The following FOXP1 variants were observed in gnomAD, a reference collection of about 807,000 sequenced individuals.
FOXP1 encodes forkhead box P1.
A neutral mutation model predicts 98.2 loss-of-function variants in FOXP1; 15 were observed. The observed-to-expected ratio is 0.15, with a 90% CI of 0.10 to 0.24. The LOEUF (loss-of-function observed/expected upper bound fraction) is 0.24, where lower values mean the gene tolerates loss of function less well. Ranked by LOEUF, FOXP1 falls within the 10% of genes least tolerant of loss-of-function variation. The pLI is 1.00. For missense variants in FOXP1, 633 were observed against 848.5 expected, an observed-to-expected ratio of 0.75 and a Z score of 3.15; for synonymous variants, 371 against 314.5, an observed-to-expected ratio of 1.18 and a Z score of -1.90.
chr3:71,548,783 G>A (rs1018521682), intron 2 of FOXP1, among the ~76,000 whole-genome samples: 1 of 151,252 alleles, frequency 6.6e-6, no homozygotes, highest in Non-Finnish European at 1.5e-5. Flanking sequence ...AAAGAAATGA[G>A]ATGAAGTCAA....
intron 1 of FOXP1, 191 bp downstream of exon 1, chr3:71,583,380 G>C (rs1578285014): frequency 1.2e-6 from 1 of 847,252 alleles, no homozygotes; most frequent in Admixed American, 6.2e-5. Context: ...GAAGAGAGGG[G>C]AGGGCTGGGG....
intron 7 of FOXP1, among the ~76,000 whole-genome samples, chr3:71,099,772 G>A (rs1020957765): frequency 1.3e-5 from 2 of 152,136 alleles, no homozygotes; most frequent in African/African-American, 4.8e-5. Context: ...ATGTAATGCT[G>A]CCTCCTCCCC....
At chr3:71,579,106 GTTAA>G (rs369720753) in intron 2 of FOXP1, among the ~76,000 whole-genome samples, 329 of 152,134 alleles carry the variant, frequency 2.2e-3, no homozygotes, top group African/African-American at 7.4e-3. Context: ...ACCGACACTT[GTTAA>G]TTAAAAATAT....
chr3:70,985,767 A>G (rs1489998894), intron 14 of FOXP1, among the ~76,000 whole-genome samples: 1 of 152,006 alleles, frequency 6.6e-6, no homozygotes, highest in Non-Finnish European at 1.5e-5. Context: ...ACAATGGCAA[A>G]CCTCACACAG....
chr3:71,270,194 C>A (rs1346380034), intron 5 of FOXP1, among the ~76,000 whole-genome samples: 1 of 152,164 alleles, frequency 6.6e-6, no homozygotes, highest in Non-Finnish European at 1.5e-5. Context: ...TGTTCGGTGC[C>A]AGGCAAAACT....
chr3:71,298,413 C>T (rs959603589), intron 5 of FOXP1, among the ~76,000 whole-genome samples: 9 of 151,536 alleles, frequency 5.9e-5, no homozygotes, highest in Non-Finnish European at 1.2e-4. Context: ...TGCAGTGAGC[C>T]GAGATCCCGC....
Position 70,965,979 on chromosome 3 carries a change from G to T in FOXP1, c.1800C>A (p.Ser600Arg), listed in dbSNP as rs760260048. 6.2e-7 allele frequency: 1 copy of T among 1,614,092 alleles called. No homozygotes were observed. Among genetic ancestry groups the T allele is most frequent in the Non-Finnish European group, 8.5e-7 (1 of 1,179,994 alleles). Residue 600 changes from serine (S) to arginine (R), a missense_variant, in exon 20 of 21, where the codon AGC becomes AGA. Physicochemically the swap from Ser to Arg is moderately radical, Grantham distance 110. This residue lies in a region of FOXP1 where 150 missense variants were observed against 163.7 expected (regional missense o/e 0.92). Coordinates refer to ENST00000649528, the MANE Select transcript of FOXP1 (RefSeq NM_001349338.3). ...CCCCGTTCAGCTCTTCCCGTATTGCGCTGGCTAAGTTGCCCAGAGTGGGAT... is the reference window on the plus strand; with the variant it reads ...CCCCGTTCAGCTCTTCCCGTATTGCTCTGGCTAAGTTGCCCAGAGTGGGAT... ...MGNPTLGNLA[S>R]AIREELNGAM...
intron 5 of FOXP1, among the ~76,000 whole-genome samples, chr3:71,275,768 G>A (rs2070816647): frequency 6.6e-6 from 1 of 152,190 alleles, no homozygotes; most frequent in South Asian, 2.1e-4. Flanking sequence ...ACACAATGTA[G>A]TAATCACATG....
chr3:71,173,346 A>C (rs887146194), intron 6 of FOXP1, among the ~76,000 whole-genome samples: 1 of 150,720 alleles, frequency 6.6e-6, no homozygotes, highest in Non-Finnish European at 1.5e-5. Context: ...AATTTCTAGA[A>C]TGGGAACTGC....
intron 2 of FOXP1, among the ~76,000 whole-genome samples, chr3:71,553,470 G>A (rs996427372): frequency 4.6e-5 from 7 of 152,090 alleles, no homozygotes; most frequent in African/African-American, 1.7e-4. Flanking sequence ...TACAGTTACA[G>A]AATTTCAGAA....
At chr3:71,540,470 A>G (rs2044708946) in intron 2 of FOXP1, among the ~76,000 whole-genome samples, 1 of 152,258 alleles carries the variant, frequency 6.6e-6, no homozygotes, top group Non-Finnish European at 1.5e-5. Flanking sequence ...GGCATTTATC[A>G]CTACTTTCCT....
intron 5 of FOXP1, among the ~76,000 whole-genome samples, chr3:71,253,254 G>A (rs1292855186): frequency 6.6e-6 from 1 of 152,200 alleles, no homozygotes; most frequent in Non-Finnish European, 1.5e-5. Flanking sequence ...CAAATGCACT[G>A]GTGTGGACAG....
intron 3 of FOXP1, among the ~76,000 whole-genome samples, chr3:71,476,014 T>C (rs948701228): frequency 4.0e-5 from 6 of 151,732 alleles, no homozygotes; most frequent in Non-Finnish European, 7.4e-5. Flanking sequence ...CATTCTGGTA[T>C]GAAATGCACA....
chr3:71,025,272 T>C (rs2045959216), intron 11 of FOXP1, among the ~76,000 whole-genome samples: 1 of 152,228 alleles, frequency 6.6e-6, no homozygotes, highest in South Asian at 2.1e-4. Context: ...TTGCTATTCC[T>C]AGAGTAGTGC....
intron 2 of FOXP1, among the ~76,000 whole-genome samples, chr3:71,566,636 CATTTTTCCTTCCTTCAACTT>C (rs1307215568): frequency 6.6e-6 from 1 of 152,204 alleles, no homozygotes; most frequent in Admixed American, 6.5e-5. Flanking sequence ...GGGGATCACG[CATTTTTCCTTCCTTCAACTT>C]ATTTTTCCTT....
intron 4 of FOXP1, among the ~76,000 whole-genome samples, chr3:71,300,176 T>C (rs1323395709): frequency 6.6e-6 from 1 of 152,220 alleles, no homozygotes. Flanking sequence ...TGGAGAATAA[T>C]ATGTGACTCA....
intron 2 of FOXP1, among the ~76,000 whole-genome samples, chr3:71,544,078 T>C (rs140346824): frequency 1.6e-3 from 249 of 151,900 alleles, no homozygotes; most frequent in Non-Finnish European, 2.4e-3. Flanking sequence ...CACACATATA[T>C]GTGTGTATTT....
chr3:71,149,893 A>G (rs1398641459), intron 6 of FOXP1, among the ~76,000 whole-genome samples: 1 of 152,208 alleles, frequency 6.6e-6, no homozygotes, highest in Admixed American at 6.5e-5. Context: ...CAGCCATGAG[A>G]ATTTACTAAA....
chr3:71,354,421 C>T (rs563280006), intron 4 of FOXP1, among the ~76,000 whole-genome samples: 26 of 152,322 alleles, frequency 1.7e-4, no homozygotes, highest in Non-Finnish European at 2.5e-4. Flanking sequence ...TGCAGCACCC[C>T]AAACTCTCAA....
Sources: allele counts gnomAD v4.1 joint callset (sites outside exome capture counted in the v4.1 genomes callset), GRCh38; gene constraint gnomAD v4.1.1; regional missense constraint gnomAD v4.1.1; transcripts MANE v1.5; gene names NCBI Gene and HGNC (gene_info 2026-07-23, HGNC 2026-07-21).